Variants in ATXN7L1 observed in about 807,000 individuals in gnomAD.
The protein encoded by ATXN7L1 is ataxin-7-like protein 1.
ATXN7L1 carries 15 observed loss-of-function variants against 70.8 expected under a neutral mutation model. The observed-to-expected ratio is 0.21, with a 90% confidence interval of 0.14 to 0.33. ATXN7L1 has a LOEUF of 0.33. Among genes scored for constraint, ATXN7L1 ranks in the 10% least tolerant of loss-of-function variants. ATXN7L1 has a pLI of 1.00. For synonymous variants in ATXN7L1, 440 were observed against 445.1 expected (o/e 0.99, Z 0.14); for missense variants, 975 against 1,097.1 (o/e 0.89, Z 1.57).
chr7:105,804,466 A>G (rs1807276047), intron 2 of ATXN7L1, among the ~76,000 whole-genome samples: 1 of 152,170 alleles, frequency 6.6e-6, no homozygotes, highest in South Asian at 2.1e-4. Context: ...CATCTTAGGG[A>G]AAATTAGCCT....
At chr7:105,801,900 C>T (rs1016387379) in intron 2 of ATXN7L1, among the ~76,000 whole-genome samples, 4 of 152,186 alleles carry the variant, frequency 2.6e-5, no homozygotes, top group African/African-American at 9.7e-5. Context: ...TGTATTGGCA[C>T]ACCACTGGTT....
chr7:105,865,662 A>C (rs1817338574), intron 2 of ATXN7L1, among the ~76,000 whole-genome samples: 1 of 152,162 alleles, frequency 6.6e-6, no homozygotes, highest in Non-Finnish European at 1.5e-5. Flanking sequence ...TGGCCTCCCA[A>C]AGTGCTGGGA....
At chr7:105,806,904 G>A (rs1031924716) in intron 2 of ATXN7L1, among the ~76,000 whole-genome samples, 2 of 145,438 alleles carry the variant, frequency 1.4e-5, no homozygotes, top group Non-Finnish European at 3.0e-5. Context: ...GCTGTGGGGG[G>A]ATGTACAACC....
intron 3 of ATXN7L1, among the ~76,000 whole-genome samples, chr7:105,723,605 C>G (rs973409468): frequency 6.6e-6 from 1 of 152,160 alleles, no homozygotes; most frequent in Non-Finnish European, 1.5e-5. Context: ...TAAGATGAGG[C>G]TGCCCACCCT....
intron 2 of ATXN7L1, among the ~76,000 whole-genome samples, chr7:105,825,007 G>A (rs923108771): frequency 6.6e-6 from 1 of 151,778 alleles, no homozygotes; most frequent in Non-Finnish European, 1.5e-5. Context: ...GTGTTACAGA[G>A]AAGATCCTAA....
chr7:105,608,455 G>C (rs1480999993), intron 11 of ATXN7L1, among the ~76,000 whole-genome samples: 2 of 152,190 alleles, frequency 1.3e-5, no homozygotes, highest in Non-Finnish European at 2.9e-5. Flanking sequence ...TGCAGGCAGA[G>C]AGTGCTACAC....
At chr7:105,660,576 C>CTTTTTTTTTTTTTTTTTTTTTT (rs34008024) in intron 4 of ATXN7L1, among the ~76,000 whole-genome samples, 2 of 78,140 alleles carry the variant, frequency 2.6e-5, no homozygotes, top group Non-Finnish European at 2.3e-5. Flanking sequence ...CGGAAGTGAC[C>CTTTTTTTTTTTTTTTTTTTTTT]TTTTTTTTTT....
chr7:105,810,036 T>C (rs1021019298), intron 2 of ATXN7L1, among the ~76,000 whole-genome samples: 1 of 152,196 alleles, frequency 6.6e-6, no homozygotes, highest in African/African-American at 2.4e-5. Flanking sequence ...CCTCCCAAAG[T>C]GTTGAGACTA....
intron 3 of ATXN7L1, among the ~76,000 whole-genome samples, chr7:105,726,027 G>A (rs954358431): frequency 2.7e-5 from 4 of 150,410 alleles, no homozygotes; most frequent in African/African-American, 9.8e-5. Flanking sequence ...CCAGCCTCCT[G>A]AGCAGCTGGG....
At chr7:105,858,082 T>G (rs758567218) in intron 2 of ATXN7L1, among the ~76,000 whole-genome samples, 1 of 151,546 alleles carries the variant, frequency 6.6e-6, no homozygotes, top group Non-Finnish European at 1.5e-5. Context: ...AAATAAAAAG[T>G]TGGTGTGGTG....
rs185911919 is a variant in ATXN7L1, at chr7:105,650,134, A to C, written c.579-7013T>G. Reference sequence around the variant, plus strand: ...ATTTATATCCAATCTAAATTCTTTAAGTTGAAGAAGTACTTGGGAGATTCT... The same window carrying C: ...ATTTATATCCAATCTAAATTCTTTACGTTGAAGAAGTACTTGGGAGATTCT... On this transcript the variant is annotated intron_variant, in intron 4 of 11. Transcript: ENST00000419735. Among the ~76,000 whole-genome samples, 30 of 152,312 alleles carry C rather than the reference A, an allele frequency of 2.0e-4. No individual in the cohort carries two copies. The East Asian group carries it at 5.0e-3, about 25-fold the overall frequency.
chr7:105,831,080 A>G (rs779541874), intron 2 of ATXN7L1, among the ~76,000 whole-genome samples: 4 of 152,218 alleles, frequency 2.6e-5, no homozygotes, highest in Non-Finnish European at 5.9e-5. Context: ...TGGATAAAGA[A>G]TGAGGTGCTC....
chr7:105,717,342 G>A (rs1345224496), intron 3 of ATXN7L1, among the ~76,000 whole-genome samples: 1 of 152,070 alleles, frequency 6.6e-6, no homozygotes, highest in African/African-American at 2.4e-5. Flanking sequence ...TAGTCAGGCT[G>A]GTCTTGAACT....
chr7:105,844,128 C>T (rs974814907), intron 2 of ATXN7L1, among the ~76,000 whole-genome samples: 2 of 152,154 alleles, frequency 1.3e-5, no homozygotes, highest in Non-Finnish European at 2.9e-5. Flanking sequence ...AAGGTGCATC[C>T]TGACAGTGAG....
At chr7:105,721,178 C>T (rs911550053) in intron 3 of ATXN7L1, among the ~76,000 whole-genome samples, 1 of 152,066 alleles carries the variant, frequency 6.6e-6, no homozygotes, top group Non-Finnish European at 1.5e-5. Context: ...GAATCTTCCC[C>T]GCACCTCTCT....
rs943081530 is a variant in ATXN7L1, at chr7:105,673,360, T to C, written c.356-8072A>G. The stretch of plus-strand genomic sequence containing the variant: ...TTTTTAGAAAGAACTTGTTGAGAAT[T>C]TTCCAATATGGCTTTTAAGGGACTA... On this transcript the variant is annotated intron_variant, in intron 3 of 11. Coordinates refer to ENST00000419735, the MANE Select transcript of ATXN7L1 (RefSeq NM_020725.2). Among the ~76,000 whole-genome samples, 6 of 152,326 alleles carry C rather than the reference T, an allele frequency of 3.9e-5. No homozygotes were observed. In the South Asian group the frequency reaches 1.0e-3, roughly 26 times the overall value.
intron 3 of ATXN7L1, among the ~76,000 whole-genome samples, chr7:105,783,641 A>C (rs1803855366): frequency 6.6e-6 from 1 of 152,134 alleles, no homozygotes; most frequent in Admixed American, 6.5e-5. Flanking sequence ...GTGAACCCCA[A>C]CTCCACACAG....
At chr7:105,844,362 T>C (rs1353739241) in intron 2 of ATXN7L1, among the ~76,000 whole-genome samples, 1 of 152,136 alleles carries the variant, frequency 6.6e-6, no homozygotes, top group Non-Finnish European at 1.5e-5. Context: ...TTCAGCAATA[T>C]ATAAAAAGGA....
At chr7:105,648,333 G>T (rs1279999530) in intron 4 of ATXN7L1, among the ~76,000 whole-genome samples, 1 of 152,110 alleles carries the variant, frequency 6.6e-6, no homozygotes, top group African/African-American at 2.4e-5. Flanking sequence ...AACCTGCCTT[G>T]GCCTGGACTG....
Sources: allele counts gnomAD v4.1 joint callset (sites outside exome capture counted in the v4.1 genomes callset), GRCh38; gene constraint gnomAD v4.1.1; transcripts MANE v1.5; gene names NCBI Gene and HGNC (gene_info 2026-07-23, HGNC 2026-07-21).